Variants in EYS observed in about 807,000 individuals in gnomAD.
EYS encodes the protein protein eyes shut homolog.
EYS carries 250 observed loss-of-function variants against 282.1 expected under a neutral mutation model. That is an observed-to-expected ratio of 0.89 (90% CI 0.80 to 0.98). The LOEUF (loss-of-function observed/expected upper bound fraction) is 0.98, where lower values mean the gene tolerates loss of function less well. Among genes scored for constraint, EYS ranks in the 50% least tolerant of loss-of-function variants. EYS has a pLI of 0.00. For missense variants in EYS, 4,016 were observed against 3,709.0 expected (o/e 1.08, Z -2.15); for synonymous variants, 1,355 against 1,282.9 (o/e 1.06, Z -1.20).
intron 22 of EYS, among the ~76,000 whole-genome samples, chr6:64,637,143 C>T (rs1370312629): frequency 9.2e-5 from 9 of 98,252 alleles, no homozygotes; most frequent in African/African-American, 2.7e-4. Flanking sequence ...CACATGCACA[C>T]GTATGTTTAT....
At chr6:64,902,074 C>A in intron 18 of EYS, 39 bp downstream of exon 18, 1 of 1,371,674 alleles carries the variant, frequency 7.3e-7, no homozygotes, top group South Asian at 1.3e-5. Flanking sequence ...TTGAATTACA[C>A]ACATCAAATA....
rs73442618 is a variant in EYS, at chr6:64,709,421, T to A, written c.3444-83176A>T. On this transcript the variant is annotated intron_variant, in intron 22 of 42. Coordinates refer to ENST00000503581, the MANE Select transcript of EYS (RefSeq NM_001142800.2). ...CAGTTAGATGACATTACACCTTCTTTATATAAATATTTTTTCTCTCTTTAT... is the reference window on the plus strand; with the variant it reads ...CAGTTAGATGACATTACACCTTCTTAATATAAATATTTTTTCTCTCTTTAT... Among the ~76,000 whole-genome samples the A allele has an allele frequency of 1.0e-2, 1,522 of 152,274 alleles. 21 individuals are homozygous for A. Among genetic ancestry groups the A allele is most frequent in the African/African-American group, 0.035 (1,456 of 41,570 alleles).
At chr6:64,688,218 A>G (rs1274716036) in intron 22 of EYS, among the ~76,000 whole-genome samples, 2 of 149,918 alleles carry the variant, frequency 1.3e-5, no homozygotes, top group Non-Finnish European at 3.0e-5. Flanking sequence ...CTGTGTCTCT[A>G]TCTCCTTCAG....
intron 2 of EYS, among the ~76,000 whole-genome samples, chr6:65,636,061 G>T (rs72882287): frequency 0.015 from 2,338 of 152,288 alleles, 26 homozygotes; most frequent in Non-Finnish European, 0.022. Context: ...CAATGCCATG[G>T]TCTTTATTTA....
At chr6:64,422,656 GATT>G (rs910349353) in intron 28 of EYS, among the ~76,000 whole-genome samples, 5 of 152,224 alleles carry the variant, frequency 3.3e-5, no homozygotes, top group East Asian at 1.9e-4. Flanking sequence ...ATCTTCACAT[GATT>G]ATTATTATCA....
At chr6:65,196,637 A>G (rs1276996220) in intron 12 of EYS, among the ~76,000 whole-genome samples, 1 of 152,012 alleles carries the variant, frequency 6.6e-6, no homozygotes, top group East Asian at 1.9e-4. Context: ...GTAGAGAGAC[A>G]GAAAACACAC....
At chr6:64,640,829 T>G (rs540344861) in intron 22 of EYS, among the ~76,000 whole-genome samples, 204 of 152,338 alleles carry the variant, frequency 1.3e-3, no homozygotes, top group Non-Finnish European at 2.2e-3. Flanking sequence ...TCTCGTTCTT[T>G]GTAACCACTA....
In EYS at chr6:64,249,021, G is replaced by A. The variant is rs377580958; in HGVS notation, c.6192-18197C>T. On this transcript the variant is annotated intron_variant, in intron 30 of 42. Transcript: ENST00000503581. ...AGTGGTTGCAACCAGCAGAGATCAC[G>A]CCACTGCACTCCAGCCTGGGCTACA... 3.4e-4 allele frequency among the ~76,000 whole-genome samples: 45 copies of A among 132,308 alleles called. No individual in the cohort carries two copies. The South Asian group carries it at 8.3e-3, about 24-fold the overall frequency. The allele number at this position is 132,308 out of a possible 152,430, so 86.8% of individuals were successfully genotyped here.
rs574936783 is a variant in EYS, at chr6:63,819,783, T to C, written c.7229-13411A>G. On this transcript the variant is annotated intron_variant, in intron 36 of 42. Coordinates refer to ENST00000503581, the MANE Select transcript of EYS (RefSeq NM_001142800.2). ...TGATGAACTCCCTCAAAAGAAATGGTAGAAGAACCATGACTAGTAGGGAAA... is the reference window on the plus strand; with the variant it reads ...TGATGAACTCCCTCAAAAGAAATGGCAGAAGAACCATGACTAGTAGGGAAA... 2.6e-5 allele frequency among the ~76,000 whole-genome samples: 4 copies of C among 152,200 alleles called. No homozygotes were observed. In the South Asian group the frequency reaches 8.3e-4, roughly 32 times the overall value.
At chr6:65,143,294 T>C (rs1764395191) in intron 12 of EYS, among the ~76,000 whole-genome samples, 1 of 151,854 alleles carries the variant, frequency 6.6e-6, no homozygotes, top group Non-Finnish European at 1.5e-5. Flanking sequence ...ATATAGTATA[T>C]TACTGAATTT....
chr6:63,970,733 T>C (rs1454066686), intron 35 of EYS, among the ~76,000 whole-genome samples: 5 of 152,206 alleles, frequency 3.3e-5, no homozygotes. Context: ...TGACATTGTC[T>C]TTCTCCTTCT....
At position 65,461,425 on chromosome 6, in the gene EYS, G is replaced by C. The variant is rs761586409; in HGVS notation, c.862+29169C>G. Among the ~76,000 whole-genome samples the C allele has an allele frequency of 4.6e-5, 7 of 152,118 alleles. No homozygotes were observed. In the East Asian group the frequency reaches 5.8e-4, roughly 13 times the overall value. ...GATCTTTGGAGTTCTCTAACTCATCGACTTCCAGTTATAGTGCTGAGCTAC... is the reference window on the plus strand; with the variant it reads ...GATCTTTGGAGTTCTCTAACTCATCCACTTCCAGTTATAGTGCTGAGCTAC... On this transcript the variant is annotated intron_variant, in intron 5 of 42. Transcript: ENST00000503581.
intron 31 of EYS, among the ~76,000 whole-genome samples, chr6:64,216,033 A>G (rs1765916976): frequency 6.6e-6 from 1 of 152,230 alleles, no homozygotes; most frequent in South Asian, 2.1e-4. Context: ...CACTTAGTAT[A>G]ATTAGATTCT....
chr6:64,432,012 C>T (rs980743245), intron 28 of EYS, among the ~76,000 whole-genome samples: 2 of 152,026 alleles, frequency 1.3e-5, no homozygotes, highest in Non-Finnish European at 2.9e-5. Flanking sequence ...TAATTTATTG[C>T]ATGTCTAATG....
At chr6:64,675,428 C>CTTTTTTTTTTTTTTTTTT (rs56346431) in intron 22 of EYS, among the ~76,000 whole-genome samples, 5 of 114,626 alleles carry the variant, frequency 4.4e-5, no homozygotes, top group Admixed American at 2.2e-4. Context: ...CTTTTTTTTT[C>CTTTTTTTTTTTTTTTTTT]TTTTTTTTTT....
chr6:64,483,044 A>G (rs1457776299), intron 26 of EYS, among the ~76,000 whole-genome samples: 1 of 151,666 alleles, frequency 6.6e-6, no homozygotes, highest in African/African-American at 2.4e-5. Context: ...GAATATGATC[A>G]AGTTATGTTT....
At chr6:65,145,182 T>C (rs562529933) in intron 12 of EYS, among the ~76,000 whole-genome samples, 19 of 152,102 alleles carry the variant, frequency 1.2e-4, no homozygotes, top group Non-Finnish European at 2.6e-4. Flanking sequence ...TGTTCACAGA[T>C]TTTATTCACT....
intron 2 of EYS, among the ~76,000 whole-genome samples, chr6:65,570,920 A>G (rs1764454771): frequency 6.6e-6 from 1 of 152,102 alleles, no homozygotes; most frequent in Admixed American, 6.6e-5. Flanking sequence ...TTTATATTCT[A>G]AAAGAAATGT....
At chr6:63,895,723 T>C (rs1773519382) in intron 35 of EYS, among the ~76,000 whole-genome samples, 1 of 152,192 alleles carries the variant, frequency 6.6e-6, no homozygotes, top group African/African-American at 2.4e-5. Context: ...CATGTATTGC[T>C]ACCTGAAACC....
Sources: gnomAD v4.1 joint callset for allele counts (sites outside exome capture counted in the v4.1 genomes callset) on GRCh38, gnomAD v4.1.1 for gene constraint, MANE v1.5 for transcripts, NCBI Gene and HGNC (gene_info 2026-07-23, HGNC 2026-07-21) for gene names.